KATNAL2: variants seen among roughly 807,000 people sequenced by gnomAD.
KATNAL2 encodes katanin p60 ATPase-containing subunit A-like 2.
KATNAL2 carries 52 observed loss-of-function variants against 76.3 expected under a neutral mutation model. The ratio of observed to expected loss-of-function variants is 0.68; its 90% CI spans 0.55 to 0.86. The LOEUF is 0.86. Among genes scored for constraint, KATNAL2 ranks in the 40% least tolerant of loss-of-function variants. KATNAL2 has a pLI of 0.00. For missense variants in KATNAL2, 660 were observed against 668.9 expected, an observed-to-expected ratio of 0.99 and a Z score of 0.15; for synonymous variants, 243 against 244.2, an observed-to-expected ratio of 1.00 and a Z score of 0.05.
In KATNAL2 at chr18:47,063,060, C is replaced by T. The variant is rs1019068274; in HGVS notation, c.638C>T (p.Pro213Leu). 1 of 1,613,636 alleles carries T rather than the reference C, an allele frequency of 6.2e-7. No individual in the cohort carries two copies. Residue 213 changes from proline to leucine, a missense_variant, in exon 9 of 18, where the codon CCA becomes CTA. By Grantham distance (98) the Pro-to-Leu change is moderately conservative. Coordinates refer to ENST00000683218, the MANE Select transcript of KATNAL2 (RefSeq NM_001387690.1). ...ELALNTFDHN[P>L]DPSERLLKPL... ...GCCTTGAACACCTTCGACCATAATC[C>T]AGACCCCTCAGTAAGTGGCGAAGAT...
intron 1 of KATNAL2, among the ~76,000 whole-genome samples, chr18:46,918,368 T>C (rs1024882398): frequency 1.3e-5 from 2 of 152,146 alleles, no homozygotes; most frequent in African/African-American, 2.4e-5. Context: ...TTAATCAGCC[T>C]CCTACCTACC....
At chr18:47,100,211 C>G in intron 16 of KATNAL2, 43 bp from the exon 17 acceptor site, 1 of 1,391,846 alleles carries the variant, frequency 7.2e-7, no homozygotes. Context: ...TGGCCAGGAG[C>G]ATTCTGCCCA....
intron 1 of KATNAL2, among the ~76,000 whole-genome samples, chr18:46,927,266 T>C (rs2058757372): frequency 6.6e-6 from 1 of 152,172 alleles, no homozygotes; most frequent in African/African-American, 2.4e-5. Flanking sequence ...AGGAGCTCTT[T>C]TAGGGCAGGC....
intron 15 of KATNAL2, among the ~76,000 whole-genome samples, chr18:47,080,973 G>T (rs1282833111): frequency 2.0e-5 from 3 of 150,872 alleles, no homozygotes; most frequent in African/African-American, 7.3e-5. Flanking sequence ...CCATTCTGTA[G>T]CCCTTCCTTC....
chr18:47,097,723 G>A (rs944223713), intron 15 of KATNAL2, among the ~76,000 whole-genome samples: 1 of 152,180 alleles, frequency 6.6e-6, no homozygotes, highest in Non-Finnish European at 1.5e-5. Context: ...GATGGTTGGA[G>A]TATTTTATTT....
chr18:47,034,311 G>A, intron 3 of KATNAL2: 1 of 1,613,052 alleles, frequency 6.2e-7, no homozygotes, highest in Non-Finnish European at 8.5e-7. Flanking sequence ...CGTCTAGACT[G>A]GGCCTCTTCT....
chr18:46,952,238 A>T (rs2059578537), intron 3 of KATNAL2, among the ~76,000 whole-genome samples: 1 of 151,622 alleles, frequency 6.6e-6, no homozygotes, highest in Non-Finnish European at 1.5e-5. Context: ...ACACCTGGTT[A>T]AATTTTTTTA....
At chr18:47,066,994 A>G (rs559252694) in intron 10 of KATNAL2, 27 bp from the exon 11 acceptor site, 1 of 1,388,970 alleles carries the variant, frequency 7.2e-7, no homozygotes, top group Admixed American at 1.7e-5. Flanking sequence ...CATCAGTTTT[A>G]AAAAAATGAT....
intron 6 of KATNAL2, among the ~76,000 whole-genome samples, chr18:47,055,081 C>G (rs1424083643): frequency 6.6e-6 from 1 of 152,174 alleles, no homozygotes; most frequent in African/African-American, 2.4e-5. Flanking sequence ...TTTTTGGGTG[C>G]ACATATTCTC....
intron 3 of KATNAL2, among the ~76,000 whole-genome samples, chr18:47,036,261 C>G (rs1025389441): frequency 1.3e-5 from 2 of 152,196 alleles, no homozygotes; most frequent in Non-Finnish European, 2.9e-5. Context: ...CAGTGAAATG[C>G]TACAGCAAGA....
At chr18:47,050,452 G>T (rs1250653058) in intron 4 of KATNAL2, among the ~76,000 whole-genome samples, 2 of 152,072 alleles carry the variant, frequency 1.3e-5, no homozygotes, top group East Asian at 3.9e-4. Context: ...TGTATTTTTT[G>T]TTCCAGAAAT....
At chr18:47,084,259 G>A in intron 15 of KATNAL2, 1 of 688,434 alleles carries the variant, frequency 1.5e-6, no homozygotes, top group Non-Finnish European at 2.7e-6. Flanking sequence ...TCTCCTGCTG[G>A]TGTAACATTG....
At chr18:47,068,562 A>C (rs2061888482) in intron 11 of KATNAL2, among the ~76,000 whole-genome samples, 1 of 152,226 alleles carries the variant, frequency 6.6e-6, no homozygotes, top group Non-Finnish European at 1.5e-5. Flanking sequence ...ATTTGACATC[A>C]GGATTAGCAT....
chr18:46,917,905 A>C lies in KATNAL2; in HGVS notation c.-531A>C, dbSNP rs2058174477. ...CATCCCCCAGAGTAGTTGTGGCGGA[A>C]TAATCTAAATATGGGTGTTGGGTAA... On this transcript the variant is annotated 5_prime_UTR_variant, in exon 1 of 18. Transcript: ENST00000683218. The C allele has an allele frequency of 6.6e-6, 1 of 152,314 alleles. No individual in the cohort carries two copies. The highest frequency in any genetic ancestry group is 2.4e-5 in the African/African-American group (1 of 41,570). The allele number at this position is 152,314 out of a possible 1,614,324, so 9.4% of individuals were successfully genotyped here.
Position 47,066,002 on chromosome 18 carries a change from A to T in KATNAL2, c.727-1019A>T, listed in dbSNP as rs929131882. Among the ~76,000 whole-genome samples, 33 of 151,772 alleles carry T rather than the reference A, an allele frequency of 2.2e-4. No individual in the cohort carries two copies. In the East Asian group the frequency reaches 2.5e-3, roughly 12 times the overall value. ...AAATAAATAAAAATTTAAAAAATTT[A>T]AAAAAAATTTTAAAAAAATAAAAAT... On this transcript the variant is annotated intron_variant, in intron 10 of 17. Transcript: ENST00000683218.
rs372745167 is a variant in KATNAL2 at position 47,034,796 on chromosome 18, A to G, written c.52-11661A>G. 1.9e-5 allele frequency: 31 copies of G among 1,612,080 alleles called. No individual in the cohort carries two copies. The highest frequency in any genetic ancestry group is 1.7e-4 in the Admixed American group (10 of 59,998). On this transcript the variant is annotated intron_variant, in intron 3 of 17. Coordinates refer to ENST00000683218, the MANE Select transcript of KATNAL2 (RefSeq NM_001387690.1). ...GAATCAGCTGGGGCTATTCTGGGGCACTTTCTCTCAGCTCTGGGCTCGCGA... is the reference window on the plus strand; with the variant it reads ...GAATCAGCTGGGGCTATTCTGGGGCGCTTTCTCTCAGCTCTGGGCTCGCGA...
At chr18:47,031,603 G>A (rs1171839723) in intron 3 of KATNAL2, among the ~76,000 whole-genome samples, 2 of 152,264 alleles carry the variant, frequency 1.3e-5, no homozygotes, top group Admixed American at 6.5e-5. Context: ...TACTTCTCCA[G>A]GAGAATCGTA....
At chr18:47,031,335 A>G (rs1228089303) in intron 3 of KATNAL2, among the ~76,000 whole-genome samples, 1 of 151,298 alleles carries the variant, frequency 6.6e-6, no homozygotes, top group Non-Finnish European at 1.5e-5. Context: ...TGAAATATGT[A>G]TGTTTTCGGC....
chr18:47,052,452 G>C (rs1400745036), intron 4 of KATNAL2, among the ~76,000 whole-genome samples: 1 of 152,176 alleles, frequency 6.6e-6, no homozygotes, highest in Non-Finnish European at 1.5e-5. Flanking sequence ...GCAAATTTGG[G>C]TTGAATTTGG....
Sources: gnomAD v4.1 joint callset for allele counts (sites outside exome capture counted in the v4.1 genomes callset) on GRCh38, gnomAD v4.1.1 for gene constraint, MANE v1.5 for transcripts, NCBI Gene and HGNC (gene_info 2026-07-23, HGNC 2026-07-21) for gene names.